The following UBA52 variants were observed in gnomAD, a reference collection of about 807,000 sequenced individuals.
The protein encoded by UBA52 is ubiquitin A-52 residue ribosomal protein fusion product 1.
A neutral mutation model predicts 15.3 loss-of-function variants in UBA52; 1 was observed. The ratio of observed to expected loss-of-function variants is 0.07; its 90% CI spans 0.02 to 0.31. The LOEUF (loss-of-function observed/expected upper bound fraction) is 0.31, where lower values mean the gene tolerates loss of function less well. Among genes scored for constraint, UBA52 ranks in the 10% least tolerant of loss-of-function variants. UBA52 has a pLI of 1.00. For synonymous variants in UBA52, 50 were observed against 58.3 expected, an observed-to-expected ratio of 0.86 and a Z score of 0.65; for missense variants, 87 against 168.0, an observed-to-expected ratio of 0.52 and a Z score of 2.66.
chr19:18,572,923 C>T, intron 1 of UBA52: 3 of 1,101,876 alleles, frequency 2.7e-6, no homozygotes, highest in African/African-American at 1.6e-5. Context: ...GTGGGACCGC[C>T]TTCAGGGAAG....
chr19:18,566,536 A>G, the UBA52 span, among the ~76,000 whole-genome samples: 9 of 152,006 alleles, frequency 5.9e-5, no homozygotes, highest in African/African-American at 2.2e-4. Flanking sequence ...CATGCCTGTA[A>G]TCCCAGCAGT....
At chr19:18,564,809 C>T in the UBA52 span, 11,396 of 1,592,780 alleles carry the variant, frequency 7.2e-3, 56 homozygotes, top group Non-Finnish European at 7.7e-3. Context: ...GTCTTCTGGG[C>T]CAGGTTGGGC....
rs1975763934 is a variant in UBA52, at chr19:18,575,925, T to TA, written c.*775_*776insA. Reference sequence around the variant, plus strand: ...CAACTCCTGGCTAATTTTTTGTATTTTTAGTAGAGACGGGGTTTCACTGGG... The same window carrying TA: ...CAACTCCTGGCTAATTTTTTGTATTTATTAGTAGAGACGGGGTTTCACTGGG... On this transcript the variant is annotated 3_prime_UTR_variant, in exon 5 of 5. Transcript: ENST00000442744. 1 of 152,220 alleles carries TA rather than the reference T, an allele frequency of 6.6e-6. No individual in the cohort carries two copies. The highest frequency in any genetic ancestry group is 1.5e-5 in the Non-Finnish European group (1 of 68,142). 9.4% of individuals were successfully genotyped at this position (152,220 alleles called of 1,614,324 possible).
In UBA52 at chr19:18,575,075, C is replaced by G. The variant is rs1301760566; in HGVS notation, c.312C>G (p.His104Gln). The stretch of plus-strand genomic sequence containing the variant: ...TGTGCAGGTGCTATGCTCGCCTTCA[C>G]CCTCGTGCTGTCAACTGCCGCAAGA... ...MICRKCYARLHPRAVNCRKKK... is the reference protein window; with the variant it reads ...MICRKCYARLQPRAVNCRKKK... The change falls in exon 5 of 5, where the codon CAC becomes CAG. Residue 104 changes from histidine to glutamine, a missense_variant. Coordinates refer to ENST00000442744, the MANE Select transcript of UBA52 (RefSeq NM_001033930.3). 6.2e-7 allele frequency: 1 copy of G among 1,614,246 alleles called. No homozygotes were observed. Among genetic ancestry groups the G allele is most frequent in the East Asian group, 2.2e-5 (1 of 44,888 alleles).
chr19:18,575,001 G>C, intron 4 of UBA52, 29 bp downstream of exon 4: 1 of 1,614,230 alleles, frequency 6.2e-7, no homozygotes, highest in Non-Finnish European at 8.5e-7. Flanking sequence ...TTGGGGGGCT[G>C]TGGGGGCTGC....
upstream of UBA52, chr19:18,568,744 C>T (rs1348082889): frequency 2.6e-6 from 2 of 770,442 alleles, no homozygotes; most frequent in South Asian, 3.4e-5. Flanking sequence ...GTTCTGTCAC[C>T]CAGGGCTCCT....
At chr19:18,565,044 G>GGGC in the UBA52 span, 961,908 of 1,596,224 alleles carry the variant, frequency 0.6, 292,206 homozygotes, top group African/African-American at 0.75. Flanking sequence ...TGCCACCCCA[G>GGGC]CCCAGCTGAC....
At chr19:18,574,197 T>C (rs977392534) in intron 3 of UBA52, among the ~76,000 whole-genome samples, 1 of 137,338 alleles carries the variant, frequency 7.3e-6, no homozygotes, top group Non-Finnish European at 1.6e-5. Flanking sequence ...GGAAGGAGAA[T>C]TGCTTGAACT....
upstream of UBA52, chr19:18,569,455 G>A (rs1473709407): frequency 1.3e-5 from 2 of 152,970 alleles, no homozygotes; most frequent in Non-Finnish European, 2.9e-5. Flanking sequence ...GTGGGGCTGG[G>A]GGCCCTGCTG....
At chr19:18,568,316 G>A, upstream of UBA52, 2 of 932,668 alleles carry the variant, frequency 2.1e-6, no homozygotes, top group African/African-American at 1.6e-5. Context: ...GGTGAGGGCA[G>A]CCGTTAGGGG....
upstream of UBA52, chr19:18,568,593 C>T (rs567085364): frequency 1.5e-5 from 24 of 1,612,888 alleles, no homozygotes; most frequent in Middle Eastern, 6.6e-4. Context: ...CATCAACGGC[C>T]GCAGCCAGAC....
chr19:18,564,773 A>G, the UBA52 span: 1 of 1,396,296 alleles, frequency 7.2e-7, no homozygotes, highest in Non-Finnish European at 9.9e-7. Context: ...AAAGGTTGTG[A>G]AGCAGGCAAG....
the UBA52 span, among the ~76,000 whole-genome samples, chr19:18,566,155 A>G: frequency 4.0e-5 from 6 of 151,792 alleles, no homozygotes; most frequent in African/African-American, 1.4e-4. Context: ...TTCTTAAAAA[A>G]TGTAACACAG....
the UBA52 span, among the ~76,000 whole-genome samples, chr19:18,564,521 G>A: frequency 6.6e-6 from 1 of 152,134 alleles, no homozygotes; most frequent in African/African-American, 2.4e-5. Flanking sequence ...TACTCGGGAG[G>A]CTGAGGCAGG....
At chr19:18,573,000 C>T (rs757958668) in intron 1 of UBA52, 3 of 1,232,334 alleles carry the variant, frequency 2.4e-6, no homozygotes, top group South Asian at 3.5e-5. Flanking sequence ...GTCCTTCCGC[C>T]GCTAAACCTA....
Position 18,574,504 on chromosome 19 carries a change from C to T in UBA52, c.191-366C>T, listed in dbSNP as rs1341245523. Among the ~76,000 whole-genome samples, 6 of 152,048 alleles carry T rather than the reference C, an allele frequency of 3.9e-5. No individual in the cohort carries two copies. The East Asian group carries it at 9.7e-4, about 25-fold the overall frequency. On this transcript the variant is annotated intron_variant, in intron 3 of 4. Coordinates refer to ENST00000442744, the MANE Select transcript of UBA52 (RefSeq NM_001033930.3). ...ACAGGGTTTCACTACGTTGGCCAGGCTGGTCTCTTAAAGTGCTAGGATTAC... is the reference window on the plus strand; with the variant it reads ...ACAGGGTTTCACTACGTTGGCCAGGTTGGTCTCTTAAAGTGCTAGGATTAC...
chr19:18,572,812 G>A, intron 1 of UBA52: 3 of 1,009,334 alleles, frequency 3.0e-6, no homozygotes, highest in Non-Finnish European at 3.6e-6. Context: ...GAGGAGAGAG[G>A]CTGCGACAGG....
chr19:18,573,030 G>T, intron 1 of UBA52: 1 of 1,311,716 alleles, frequency 7.6e-7, no homozygotes, highest in Non-Finnish European at 9.8e-7. Context: ...ACCACAGTCT[G>T]TGTTCCTGAA....
chr19:18,564,470 A>C, the UBA52 span, among the ~76,000 whole-genome samples: 10 of 152,140 alleles, frequency 6.6e-5, no homozygotes. Flanking sequence ...AAATACAAAA[A>C]ATTAGCCAGG....
Sources: gnomAD v4.1 joint callset for allele counts (sites outside exome capture counted in the v4.1 genomes callset) on GRCh38, gnomAD v4.1.1 for gene constraint, MANE v1.5 for transcripts, NCBI Gene and HGNC (gene_info 2026-07-23, HGNC 2026-07-21) for gene names.